ITFG1: variants seen among roughly 807,000 people sequenced by gnomAD.
ITFG1 encodes the protein integrin alpha FG-GAP repeat containing 1, also known as T-cell immunomodulatory protein.
Under a neutral mutation model 81.8 loss-of-function variants are expected in ITFG1, and 34 were observed. That is an observed-to-expected ratio of 0.42 (90% CI 0.32 to 0.55). The LOEUF (loss-of-function observed/expected upper bound fraction) is 0.55, where lower values mean the gene tolerates loss of function less well. Among genes scored for constraint, ITFG1 ranks in the 20% least tolerant of loss-of-function variants. ITFG1 has a pLI of 0.17. For missense variants in ITFG1, 672 were observed against 755.4 expected (o/e 0.89, Z 1.29); for synonymous variants, 285 against 270.6 (o/e 1.05, Z -0.52).
At chr16:47,406,490 G>A (rs558068101) in intron 6 of ITFG1, among the ~76,000 whole-genome samples, 1 of 152,292 alleles carries the variant, frequency 6.6e-6, no homozygotes, top group Non-Finnish European at 1.5e-5. Flanking sequence ...ATTAGGGACA[G>A]TTTGAGTACT....
chr16:47,187,839 G>A (rs1056951532), intron 14 of ITFG1, among the ~76,000 whole-genome samples: 5 of 152,052 alleles, frequency 3.3e-5, no homozygotes, highest in Non-Finnish European at 7.4e-5. Flanking sequence ...TACAAAATGG[G>A]AGAAAATCTT....
intron 6 of ITFG1, among the ~76,000 whole-genome samples, chr16:47,410,394 A>G (rs1280718405): frequency 6.6e-6 from 1 of 152,224 alleles, no homozygotes; most frequent in African/African-American, 2.4e-5. Context: ...AATATTAATT[A>G]TATAATTCAG....
intron 8 of ITFG1, among the ~76,000 whole-genome samples, chr16:47,322,839 T>C (rs1194932938): frequency 6.6e-6 from 1 of 152,208 alleles, no homozygotes; most frequent in African/African-American, 2.4e-5. Flanking sequence ...TATATTGTTA[T>C]TAACTATAGT....
intron 10 of ITFG1, among the ~76,000 whole-genome samples, chr16:47,274,730 T>A (rs1242927798): frequency 6.6e-6 from 1 of 152,038 alleles, no homozygotes. Flanking sequence ...CACTTCTATA[T>A]ATCCTTATAT....
chr16:47,266,530 T>A (rs1288804215), intron 10 of ITFG1, among the ~76,000 whole-genome samples: 1 of 152,212 alleles, frequency 6.6e-6, no homozygotes, highest in Non-Finnish European at 1.5e-5. Context: ...ACAGCTATAA[T>A]TTTTAGAAAA....
intron 6 of ITFG1, among the ~76,000 whole-genome samples, chr16:47,418,488 G>C (rs751537055): frequency 1.1e-4 from 17 of 152,038 alleles, no homozygotes; most frequent in Non-Finnish European, 1.8e-4. Flanking sequence ...CCAATATCCT[G>C]AAGTGTTTCC....
intron 6 of ITFG1, among the ~76,000 whole-genome samples, chr16:47,405,892 CTTATAA>C (rs902770960): frequency 2.2e-4 from 33 of 152,164 alleles, no homozygotes; most frequent in Admixed American, 2.0e-3. Context: ...ATAATAGATA[CTTATAA>C]TTATGAAATA....
At chr16:47,172,402 C>T (rs778280747) in intron 14 of ITFG1, among the ~76,000 whole-genome samples, 1 of 152,152 alleles carries the variant, frequency 6.6e-6, no homozygotes, top group African/African-American at 2.4e-5. Context: ...GCAGGAAAAT[C>T]GCTTGAACCT....
intron 10 of ITFG1, among the ~76,000 whole-genome samples, chr16:47,273,556 A>C (rs78986665): frequency 0.044 from 6,700 of 152,262 alleles, 208 homozygotes; most frequent in Middle Eastern, 0.092. Flanking sequence ...GGGCAAATGC[A>C]ATCCATTTAT....
intron 12 of ITFG1, among the ~76,000 whole-genome samples, chr16:47,247,228 A>T (rs889090483): frequency 6.6e-6 from 1 of 151,940 alleles, no homozygotes; most frequent in Middle Eastern, 3.4e-3. Flanking sequence ...TTTTATTCTC[A>T]TTTTTTCCCC....
chr16:47,282,754 G>A (rs1366511575), intron 10 of ITFG1, among the ~76,000 whole-genome samples: 2 of 152,040 alleles, frequency 1.3e-5, no homozygotes. Flanking sequence ...TCGCCAACAT[G>A]TTGTTTTTTG....
At chr16:47,274,875 A>T (rs1966381319) in intron 10 of ITFG1, among the ~76,000 whole-genome samples, 1 of 152,198 alleles carries the variant, frequency 6.6e-6, no homozygotes, top group African/African-American at 2.4e-5. Flanking sequence ...TACCATAGCC[A>T]TAATGAAAAA....
intron 10 of ITFG1, among the ~76,000 whole-genome samples, chr16:47,310,099 C>A (rs1299691155): frequency 6.6e-6 from 1 of 152,156 alleles, no homozygotes; most frequent in Non-Finnish European, 1.5e-5. Flanking sequence ...CTGATCATGT[C>A]CTTGGAAAAC....
At chr16:47,200,743 G>T (rs1420709970) in intron 14 of ITFG1, among the ~76,000 whole-genome samples, 1 of 152,176 alleles carries the variant, frequency 6.6e-6, no homozygotes, top group East Asian at 1.9e-4. Flanking sequence ...GACGTTATTA[G>T]AAATGAAAAT....
At chr16:47,208,599 A>G (rs1454773648) in intron 14 of ITFG1, among the ~76,000 whole-genome samples, 2 of 152,198 alleles carry the variant, frequency 1.3e-5, no homozygotes, top group East Asian at 3.8e-4. Flanking sequence ...GAAGTCAAAT[A>G]TTAATATTTT....
chr16:47,239,366 A>G, intron 12 of ITFG1, among the ~76,000 whole-genome samples: 1 of 151,978 alleles, frequency 6.6e-6, no homozygotes, highest in South Asian at 2.1e-4. Context: ...ACACCCAGCT[A>G]ATTTTTGTAT....
intron 10 of ITFG1, among the ~76,000 whole-genome samples, chr16:47,282,342 T>C (rs1162328745): frequency 6.6e-6 from 1 of 152,112 alleles, no homozygotes; most frequent in East Asian, 1.9e-4. Context: ...AGTGAGAACA[T>C]GCAGTATTTG....
chr16:47,352,574 A>C (rs561412925), intron 8 of ITFG1, among the ~76,000 whole-genome samples: 1 of 152,284 alleles, frequency 6.6e-6, no homozygotes, highest in Non-Finnish European at 1.5e-5. Context: ...GCTGGAGAGG[A>C]TGTGGAGAAA....
At chr16:47,180,690 T>C (rs2151513248) in intron 14 of ITFG1, among the ~76,000 whole-genome samples, 2 of 152,268 alleles carry the variant, frequency 1.3e-5, no homozygotes, top group South Asian at 4.1e-4. Flanking sequence ...CAGTGCTCAA[T>C]GGTGCCCAGG....
Sources: allele counts gnomAD v4.1 joint callset (sites outside exome capture counted in the v4.1 genomes callset), GRCh38; gene constraint gnomAD v4.1.1; transcripts MANE v1.5; gene names NCBI Gene and HGNC (gene_info 2026-07-23, HGNC 2026-07-21).